LAMA2: variants seen among roughly 807,000 people sequenced by gnomAD.
LAMA2 encodes the protein laminin subunit alpha 2.
In LAMA2, 269 loss-of-function variants were observed where a neutral mutation model predicts 364.8. That is an observed-to-expected ratio of 0.74 (90% CI 0.67 to 0.82). The LOEUF is 0.82. Ranked by LOEUF, LAMA2 falls within the 40% of genes least tolerant of loss-of-function variation. The pLI is 0.00. For missense variants in LAMA2, 3,807 were observed against 3,873.2 expected (o/e 0.98, Z 0.45); for synonymous variants, 1,379 against 1,370.6 (o/e 1.01, Z -0.14).
chr6:128,951,711 T>A (rs1299253993), intron 1 of LAMA2, among the ~76,000 whole-genome samples: 2 of 152,208 alleles, frequency 1.3e-5, no homozygotes, highest in African/African-American at 4.8e-5. Context: ...AGCTTCTTAT[T>A]GTCCCCAAAA....
intron 37 of LAMA2, among the ~76,000 whole-genome samples, chr6:129,394,241 A>T (rs1368681215): frequency 6.6e-6 from 1 of 152,250 alleles, no homozygotes; most frequent in Non-Finnish European, 1.5e-5. Context: ...AGAAAACAGC[A>T]GCAGACCTAT....
chr6:128,930,741 C>T (rs2114514286), intron 1 of LAMA2, among the ~76,000 whole-genome samples: 1 of 152,342 alleles, frequency 6.6e-6, no homozygotes, highest in Middle Eastern at 3.4e-3. Context: ...TATTCTACAT[C>T]ACTATCATAT....
At chr6:129,239,842 C>A (rs1267015227) in intron 12 of LAMA2, among the ~76,000 whole-genome samples, 3 of 152,122 alleles carry the variant, frequency 2.0e-5, no homozygotes, top group Non-Finnish European at 4.4e-5. Context: ...AATTCTTACA[C>A]AGGGTTTTCT....
At chr6:129,110,378 CAT>C (rs1776078296) in intron 4 of LAMA2, among the ~76,000 whole-genome samples, 1 of 151,932 alleles carries the variant, frequency 6.6e-6, no homozygotes. Context: ...GCAAACATTC[CAT>C]GATGGAATGG....
chr6:128,901,183 T>C (rs1279854370), intron 1 of LAMA2, among the ~76,000 whole-genome samples: 1 of 152,178 alleles, frequency 6.6e-6, no homozygotes, highest in Non-Finnish European at 1.5e-5. Flanking sequence ...CATTATTCAT[T>C]ATTTGATCCA....
rs1247271983 is a variant in LAMA2 at position 129,353,334 on chromosome 6, C to T, written c.4694C>T (p.Ala1565Val). The change falls in exon 32 of 65, where the codon GCA becomes GTA. Residue 1565 changes from alanine (A) to valine (V), a missense_variant. Coordinates refer to ENST00000421865, the MANE Select transcript of LAMA2 (RefSeq NM_000426.4). ...TGTGACGGCTGCAAGCACTGGCATG[C>T]ACGCGAGGGCTGGGAGTGTGTTTGT... ...RKCDGCKHWH[A>V]REGWECVFCG... 6 of 1,613,858 alleles carry T rather than the reference C, an allele frequency of 3.7e-6. No homozygotes were observed. Among genetic ancestry groups the T allele is most frequent in the Non-Finnish European group, 5.1e-6 (6 of 1,179,940 alleles).
At position 128,984,462 on chromosome 6, in the gene LAMA2, G is replaced by C. The variant is rs1040792807; in HGVS notation, c.113-65456G>C. Reference sequence around the variant, plus strand: ...AAGTATCCACATGTGAACTCCCTTAGCTACTGTTCTTTTCTCTAAATTTCT... The same window carrying C: ...AAGTATCCACATGTGAACTCCCTTACCTACTGTTCTTTTCTCTAAATTTCT... On this transcript the variant is annotated intron_variant, in intron 1 of 64. Coordinates refer to ENST00000421865, the MANE Select transcript of LAMA2 (RefSeq NM_000426.4). Among the ~76,000 whole-genome samples, 5 of 152,046 alleles carry C rather than the reference G, an allele frequency of 3.3e-5. No homozygotes were observed. The East Asian group carries it at 5.8e-4, about 18-fold the overall frequency.
At chr6:129,147,169 A>G in intron 6 of LAMA2, 121 bp downstream of exon 6, 1 of 745,752 alleles carries the variant, frequency 1.3e-6, no homozygotes, top group South Asian at 1.4e-5. Flanking sequence ...AGACAGTGTA[A>G]CAGAAATCCA....
intron 34 of LAMA2, among the ~76,000 whole-genome samples, chr6:129,373,491 T>C (rs1778202009): frequency 6.6e-6 from 1 of 152,174 alleles, no homozygotes; most frequent in Non-Finnish European, 1.5e-5. Flanking sequence ...TTAGCTCATA[T>C]ACATGAGCTA....
intron 12 of LAMA2, among the ~76,000 whole-genome samples, chr6:129,208,034 G>A (rs1336683490): frequency 1.3e-5 from 2 of 152,176 alleles, no homozygotes; most frequent in African/African-American, 4.8e-5. Context: ...TGAAGAACAT[G>A]TTATGAGTCT....
intron 1 of LAMA2, among the ~76,000 whole-genome samples, chr6:129,036,213 C>T (rs1750439136): frequency 6.6e-6 from 1 of 152,048 alleles, no homozygotes; most frequent in South Asian, 2.1e-4. Context: ...TCTTTTACCT[C>T]CTTGGTTAAA....
chr6:129,227,315 C>A (rs532658382), intron 12 of LAMA2, among the ~76,000 whole-genome samples: 5 of 152,140 alleles, frequency 3.3e-5, no homozygotes, highest in Non-Finnish European at 7.3e-5. Context: ...TCGTCTGAAG[C>A]CTTCTTCTCT....
At chr6:129,234,643 G>C (rs541671165) in intron 12 of LAMA2, among the ~76,000 whole-genome samples, 1 of 152,210 alleles carries the variant, frequency 6.6e-6, no homozygotes, top group South Asian at 2.1e-4. Flanking sequence ...TTTATAAATA[G>C]CTGCAAAATC....
intron 3 of LAMA2, among the ~76,000 whole-genome samples, chr6:129,097,665 A>G (rs1404384464): frequency 6.6e-6 from 1 of 152,210 alleles, no homozygotes; most frequent in East Asian, 1.9e-4. Context: ...TGCTAGAACC[A>G]CAATCTGAAC....
rs575156751 is a variant in LAMA2, at chr6:129,110,690, C to T, written c.639+12275C>T. On this transcript the variant is annotated intron_variant, in intron 4 of 64. Coordinates refer to ENST00000421865, the MANE Select transcript of LAMA2 (RefSeq NM_000426.4). ...AGGTGAAGGAACTGATTTGAGGTCACACTGTGGTAAATGTTCAACACTAAT... is the reference window on the plus strand; with the variant it reads ...AGGTGAAGGAACTGATTTGAGGTCATACTGTGGTAAATGTTCAACACTAAT... Among the ~76,000 whole-genome samples the T allele has an allele frequency of 5.7e-4, 87 of 152,152 alleles. No individual in the cohort carries two copies. The South Asian group carries it at 0.015, about 26-fold the overall frequency.
chr6:129,205,483 TATATATATATACAC>T (rs1452497224), intron 12 of LAMA2, among the ~76,000 whole-genome samples: 1 of 118,704 alleles, frequency 8.4e-6, no homozygotes, highest in African/African-American at 4.3e-5. Flanking sequence ...TGTAAGTATA[TATATATATATACAC>T]ACACACACAC....
chr6:129,078,132 A>AT (rs10711821), intron 3 of LAMA2, among the ~76,000 whole-genome samples: 197 of 145,036 alleles, frequency 1.4e-3, no homozygotes, highest in African/African-American at 4.1e-3. Context: ...AAATCTCTGT[A>AT]TTTTTTTTTT....
At chr6:129,035,433 A>G (rs1034695698) in intron 1 of LAMA2, among the ~76,000 whole-genome samples, 5 of 150,578 alleles carry the variant, frequency 3.3e-5, no homozygotes, top group Non-Finnish European at 5.9e-5. Flanking sequence ...ACAGTTAGCA[A>G]ATATTTTCTG....
In LAMA2 at chr6:129,427,870, G is replaced by A; in HGVS notation, c.5968+16G>A. ...GATGTAAAAGGTCAGTGTGGCCATA[G>A]TTTTTATTATATTCCAGTTAATCGG... On this transcript the variant is annotated intron_variant, in intron 41 of 64. Coordinates refer to ENST00000421865, the MANE Select transcript of LAMA2 (RefSeq NM_000426.4). 2.0e-6 allele frequency: 3 copies of A among 1,482,178 alleles called. No individual in the cohort carries two copies. The Admixed American group carries it at 5.0e-5, about 25-fold the overall frequency. 91.8% of individuals were successfully genotyped at this position (1,482,178 alleles called of 1,614,324 possible).
Sources: gnomAD v4.1 joint callset for allele counts (sites outside exome capture counted in the v4.1 genomes callset) on GRCh38, gnomAD v4.1.1 for gene constraint, MANE v1.5 for transcripts, NCBI Gene and HGNC (gene_info 2026-07-23, HGNC 2026-07-21) for gene names.